The following EIF5 variants were observed in gnomAD, a reference collection of about 807,000 sequenced individuals.
EIF5 encodes eukaryotic translation initiation factor 5.
In EIF5, 10 loss-of-function variants were observed where a neutral mutation model predicts 48.3. The observed-to-expected ratio is 0.21, with a 90% CI of 0.13 to 0.35. The LOEUF is 0.35. Among genes scored for constraint, EIF5 ranks in the 10% least tolerant of loss-of-function variants. The pLI, the probability that EIF5 is intolerant of heterozygous loss-of-function variation, is 1.00. For synonymous variants in EIF5, 237 were observed against 173.1 expected, an observed-to-expected ratio of 1.37 and a Z score of -2.90; for missense variants, 397 against 533.2, an observed-to-expected ratio of 0.74 and a Z score of 2.51.
chr14:103,334,978 G>T (rs914200886), intron 2 of EIF5: 1 of 152,192 alleles, frequency 6.6e-6, no homozygotes, highest in African/African-American at 2.4e-5. Flanking sequence ...CCGGTCGCGC[G>T]CCCCCCTCCT....
intron 7 of EIF5, 29 bp from the exon 8 acceptor site, chr14:103,338,706 T>A (rs751124726): frequency 6.2e-7 from 1 of 1,603,328 alleles, no homozygotes; most frequent in Non-Finnish European, 8.5e-7. Flanking sequence ...TTAAGGCCTT[T>A]GATCAAGTAG....
In EIF5 at chr14:103,341,016, C is replaced by T; in HGVS notation, c.1260C>T (p.Asp420=). The T allele has an allele frequency of 6.2e-7, 1 of 1,614,104 alleles. No individual in the cohort carries two copies. The highest frequency in any genetic ancestry group is 8.5e-7 in the Non-Finnish European group (1 of 1,179,974). ...SVPKVETVKS[D]NKDDDIDIDA... ...CGAAAGTTGAGACTGTAAAGTCAGA[C>T]AACAAGGATGACGACATCGATATTG... Residue 420 remains aspartate (D), a synonymous_variant, in exon 12 of 12, where the codon GAC becomes GAT. Coordinates refer to ENST00000216554, the MANE Select transcript of EIF5 (RefSeq NM_001969.5).
In EIF5 at chr14:103,343,584, C is replaced by T. The variant is rs1387725587; in HGVS notation, c.*2532C>T. ...GAGATGGGCAAGGAGGTCTCTAATC[C>T]ACCGCTTCCCGCTTGAGAAGGGAGG... On this transcript the variant is annotated 3_prime_UTR_variant, in exon 12 of 12. Coordinates refer to ENST00000216554, the MANE Select transcript of EIF5 (RefSeq NM_001969.5). The T allele has an allele frequency of 6.6e-6, 1 of 152,130 alleles. No individual in the cohort carries two copies. The highest frequency in any genetic ancestry group is 2.4e-5 in the African/African-American group (1 of 41,412). 9.4% of individuals were successfully genotyped at this position (152,130 alleles called of 1,614,324 possible). A position where few individuals can be genotyped will look rare whatever the true frequency, so the allele number is the denominator to read the frequency against.
In EIF5 at chr14:103,336,295, T is replaced by C. The variant is rs368241449; in HGVS notation, c.154+178T>C. ...CTACCAGGGGAACGCATTTAAAGAG[T>C]GGATGGCTGGGCGCGTTGGCTCACA... On this transcript the variant is annotated intron_variant, in intron 4 of 11. Coordinates refer to ENST00000216554, the MANE Select transcript of EIF5 (RefSeq NM_001969.5). The C allele has an allele frequency of 2.9e-4, 208 of 712,042 alleles. 5 individuals are homozygous for C. In the South Asian group the frequency reaches 3.7e-3, roughly 13 times the overall value. 44.1% of individuals were successfully genotyped at this position (712,042 alleles called of 1,614,324 possible). A position where few individuals can be genotyped will look rare whatever the true frequency, so the allele number is the denominator to read the frequency against.
Position 103,339,140 on chromosome 14 carries a change from A to G in EIF5, c.745-32A>G, listed in dbSNP as rs531634750. On this transcript the variant is annotated intron_variant, in intron 8 of 11. Transcript: ENST00000216554. ...CTTGAGCCTGGCAAAGTGTGCCTCCATTGCACTGAATTGTTTTCCTTTTCT... is the reference window on the plus strand; with the variant it reads ...CTTGAGCCTGGCAAAGTGTGCCTCCGTTGCACTGAATTGTTTTCCTTTTCT... 13 of 1,588,496 alleles carry G rather than the reference A, an allele frequency of 8.2e-6. No homozygotes were observed. In the Admixed American group the frequency reaches 1.1e-4, roughly 14 times the overall value.
rs77923596 is a variant in EIF5 at position 103,337,238 on chromosome 14, C to T, written c.439+11C>T. On this transcript the variant is annotated intron_variant, in intron 6 of 11. Transcript: ENST00000216554. ...TCAAAAACCCACCTGGTGAGTCTTC[C>T]ATGATGAACTCCTAAGATCCTAAGA... 1.9e-6 allele frequency: 3 copies of T among 1,589,766 alleles called. No homozygotes were observed. The highest frequency in any genetic ancestry group is 1.3e-5 in the African/African-American group (1 of 74,086).
In EIF5 at chr14:103,341,070, AGCTT is replaced by A; in HGVS notation, c.*19_*22del. On this transcript the variant is annotated 3_prime_UTR_variant, in exon 12 of 12. Coordinates refer to ENST00000216554, the MANE Select transcript of EIF5 (RefSeq NM_001969.5). ...CCATTTAAAGGGATGGATGCAACCT[AGCTT>A]AACAGTATAATGCTGCAAATTTTCC... 1 of 1,612,780 alleles carries A rather than the reference AGCTT, an allele frequency of 6.2e-7. No individual in the cohort carries two copies.
chr14:103,338,433 A>ACCACCACCG lies in EIF5; in HGVS notation c.554_555insGCCACCACC (p.Pro183_Pro185dup). 1.3e-6 allele frequency: 2 copies of ACCACCACCG among 1,591,640 alleles called. No individual in the cohort carries two copies. Among genetic ancestry groups the ACCACCACCG allele is most frequent in the South Asian group, 1.1e-5 (1 of 89,120 alleles). On this transcript the variant is annotated inframe_insertion, in exon 7 of 12. Transcript: ENST00000216554. Reference sequence around the variant, plus strand: ...CCAGCAGTGAGACACCACCACCACCACCACCACCAAATGAAATTAATCCTC... The same window carrying ACCACCACCG: ...CCAGCAGTGAGACACCACCACCACCACCACCACCGCCACCACCAAATGAAATTAATCCTC...
intron 6 of EIF5, 118 bp downstream of exon 6, chr14:103,337,345 T>G (rs2089299054): frequency 1.2e-6 from 1 of 844,692 alleles, no homozygotes; most frequent in Admixed American, 3.2e-5. Context: ...TGGCTCATGC[T>G]TGTATTCCCC....
Position 103,335,885 on chromosome 14 carries a change from G to A in EIF5, c.25G>A (p.Val9Met), listed in dbSNP as rs768072672. 13 of 1,614,048 alleles carry A rather than the reference G, an allele frequency of 8.1e-6. No individual in the cohort carries two copies. In the South Asian group the frequency reaches 8.8e-5, roughly 11 times the overall value. ...AATGTCTGTCAATGTCAACCGCAGC[G>A]TGTCAGACCAGTTCTATCGCTACAA... is the stretch of plus-strand genomic sequence containing the variant. The part of the protein sequence containing the change: MSVNVNRS[V>M]SDQFYRYKMP... Residue 9 changes from valine (V) to methionine (M), a missense_variant, in exon 3 of 12, where the codon GTG becomes ATG. Val to Met is a conservative substitution (Grantham distance 21, BLOSUM62 1). Around this residue, in one of 4 missense-constraint regions of EIF5, gnomAD observed 108 missense variants for 188.3 expected, o/e 0.57. Coordinates refer to ENST00000216554, the MANE Select transcript of EIF5 (RefSeq NM_001969.5).
chr14:103,336,889 C>G, intron 5 of EIF5, 40 bp downstream of exon 5: 10 of 1,581,762 alleles, frequency 6.3e-6, no homozygotes, highest in Non-Finnish European at 8.6e-6. Context: ...AAGCCATATA[C>G]CTGCTTCTGT....
Position 103,344,826 on chromosome 14 carries a change from A to G in EIF5, c.*3774A>G, listed in dbSNP as rs1566725824. The G allele has an allele frequency of 6.6e-6, 1 of 152,230 alleles. No individual in the cohort carries two copies. Among genetic ancestry groups the G allele is most frequent in the Non-Finnish European group, 1.5e-5 (1 of 68,042 alleles). 9.4% of individuals were successfully genotyped at this position (152,230 alleles called of 1,614,324 possible). A position where few individuals can be genotyped will look rare whatever the true frequency, so the allele number is the denominator to read the frequency against. ...ATCCAAATGAAAGTAAATGGAATAAATGTATCAGGTAAAGGACAAGTTGTA... is the reference window on the plus strand; with the variant it reads ...ATCCAAATGAAAGTAAATGGAATAAGTGTATCAGGTAAAGGACAAGTTGTA... On this transcript the variant is annotated 3_prime_UTR_variant, in exon 12 of 12. Coordinates refer to ENST00000216554, the MANE Select transcript of EIF5 (RefSeq NM_001969.5).
In EIF5 at chr14:103,342,249, T is replaced by G. The variant is rs947787992; in HGVS notation, c.*1197T>G. The G allele has an allele frequency of 6.6e-6, 1 of 152,452 alleles. No individual in the cohort carries two copies. The highest frequency in any genetic ancestry group is 2.4e-5 in the African/African-American group (1 of 41,432). The allele number at this position is 152,452 out of a possible 1,614,324, so 9.4% of individuals were successfully genotyped here. A position where few individuals can be genotyped will look rare whatever the true frequency, so the allele number is the denominator to read the frequency against. ...ACTTGGGATATTTTTTACTTCACAT[T>G]GAATATAGCCAGGCACCCAAGAAGT... On this transcript the variant is annotated 3_prime_UTR_variant, in exon 12 of 12. Coordinates refer to ENST00000216554, the MANE Select transcript of EIF5 (RefSeq NM_001969.5).
chr14:103,337,421 A>G (rs752343654), intron 6 of EIF5, 194 bp downstream of exon 6: 2 of 553,966 alleles, frequency 3.6e-6, no homozygotes. Context: ...CCTGGCCAAC[A>G]TAGTGAAACC....
intron 10 of EIF5, 122 bp downstream of exon 10, chr14:103,339,925 C>A: frequency 1.7e-6 from 2 of 1,146,856 alleles, no homozygotes. Context: ...GTGGTATGAT[C>A]TCAGCTCCCT....
rs2089276972 is a variant in EIF5 at position 103,335,690 on chromosome 14, C to G, written c.-171C>G. ...GCCATTGGTACCTGTATTGGGGAAA[C>G]ATAGCATACAAGCAAGAAGCTTACA... is the stretch of plus-strand genomic sequence containing the variant. On this transcript the variant is annotated 5_prime_UTR_variant, in exon 3 of 12. Transcript: ENST00000216554. The G allele has an allele frequency of 1.6e-6, 1 of 638,482 alleles. No individual in the cohort carries two copies. The highest frequency in any genetic ancestry group is 1.8e-5 in the African/African-American group (1 of 54,426). The allele number at this position is 638,482 out of a possible 1,614,324, so 39.6% of individuals were successfully genotyped here. A position where few individuals can be genotyped will look rare whatever the true frequency, so the allele number is the denominator to read the frequency against.
intron 5 of EIF5, 115 bp downstream of exon 5, chr14:103,336,964 C>G: frequency 7.1e-7 from 1 of 1,415,878 alleles, no homozygotes. Flanking sequence ...ACACAAAACT[C>G]CAGTTTTCGA....
Position 103,339,580 on chromosome 14 carries a change from A to G in EIF5, c.907-59A>G, listed in dbSNP as rs1052943691. On this transcript the variant is annotated intron_variant, in intron 9 of 11. Coordinates refer to ENST00000216554, the MANE Select transcript of EIF5 (RefSeq NM_001969.5). ...TTGCAGACACTCTTATTTGGGTAAT[A>G]GAGTTGTCAACTTAGAACACATAAA... is the stretch of plus-strand genomic sequence containing the variant. The G allele has an allele frequency of 6.8e-6, 11 of 1,609,140 alleles. No individual in the cohort carries two copies. In the African/African-American group the frequency reaches 1.3e-4, roughly 20 times the overall value.
chr14:103,337,168 A>T lies in EIF5; in HGVS notation c.380A>T (p.Tyr127Phe), dbSNP rs191248532. The T allele has an allele frequency of 1.7e-5, 27 of 1,613,526 alleles. No individual in the cohort carries two copies. The highest frequency in any genetic ancestry group is 1.9e-5 in the Non-Finnish European group (22 of 1,179,884). Residue 127 changes from tyrosine to phenylalanine, a missense_variant, in exon 6 of 12, where the codon TAT (tyrosine) becomes TTT (phenylalanine). Tyr to Phe is a conservative substitution (Grantham distance 22, BLOSUM62 3). Around this residue, in one of 4 missense-constraint regions of EIF5, gnomAD observed 108 missense variants for 188.3 expected, o/e 0.57. Coordinates refer to ENST00000216554, the MANE Select transcript of EIF5 (RefSeq NM_001969.5). ...GGTAATTCTTGTAAAGCCTGTGGCT[A>T]TCGAGGCATGCTTGACACACATCAT... is the stretch of plus-strand genomic sequence containing the variant. Reference protein sequence around the residue: ...TIGNSCKACGYRGMLDTHHKL... With the variant: ...TIGNSCKACGFRGMLDTHHKL...
Sources: gnomAD v4.1 joint callset for allele counts on GRCh38, gnomAD v4.1.1 for gene constraint, gnomAD v4.1.1 regional missense constraint, MANE v1.5 for transcripts, NCBI Gene and HGNC (gene_info 2026-07-23, HGNC 2026-07-21) for gene names.